The following EPHA6 variants were observed in gnomAD, a reference collection of about 807,000 sequenced individuals.
EPHA6 encodes EPH receptor A6.
EPHA6 carries 50 observed loss-of-function variants against 112.0 expected under a neutral mutation model. The observed-to-expected ratio is 0.45, with a 90% confidence interval of 0.36 to 0.56. EPHA6 has a LOEUF of 0.56. Ranked by LOEUF, EPHA6 falls within the 20% of genes least tolerant of loss-of-function variation. The probability of loss-of-function intolerance (pLI) is 0.00; values close to 1 mark genes in which losing one functional copy is unlikely to be tolerated. For missense variants in EPHA6, 1,280 were observed against 1,417.4 expected, an observed-to-expected ratio of 0.90 and a Z score of 1.56; for synonymous variants, 529 against 490.7, an observed-to-expected ratio of 1.08 and a Z score of -1.03.
chr3:97,369,665 C>T (rs1005661853), intron 5 of EPHA6, among the ~76,000 whole-genome samples: 1 of 152,078 alleles, frequency 6.6e-6, no homozygotes, highest in Admixed American at 6.6e-5. Flanking sequence ...CTTATGTGAT[C>T]CCTGAGTTTC....
At chr3:97,012,757 C>T (rs1017164561) in intron 3 of EPHA6, among the ~76,000 whole-genome samples, 3 of 151,102 alleles carry the variant, frequency 2.0e-5, no homozygotes, top group African/African-American at 7.3e-5. Context: ...CCACACTGGA[C>T]TTACTATTTT....
intron 7 of EPHA6, among the ~76,000 whole-genome samples, chr3:97,449,896 A>T (rs1458303): frequency 0.1 from 15,902 of 152,080 alleles, 2,593 homozygotes; most frequent in African/African-American, 0.35. Flanking sequence ...CTATGACAGA[A>T]GGAATATTTT....
intron 12 of EPHA6, among the ~76,000 whole-genome samples, chr3:97,609,174 C>T (rs992561937): frequency 2.6e-5 from 4 of 151,354 alleles, no homozygotes; most frequent in African/African-American, 9.7e-5. Flanking sequence ...GGGAAGAAGA[C>T]ATCAGGCAGT....
chr3:97,621,351 A>G (rs1243631365), intron 13 of EPHA6, among the ~76,000 whole-genome samples: 2 of 151,944 alleles, frequency 1.3e-5, no homozygotes, highest in African/African-American at 4.8e-5. Context: ...AATAATCTGT[A>G]CAACAAGCCC....
chr3:97,264,066 C>G (rs1464131765), intron 5 of EPHA6, among the ~76,000 whole-genome samples: 3 of 152,200 alleles, frequency 2.0e-5, no homozygotes, highest in African/African-American at 7.2e-5. Context: ...TATACATTTT[C>G]TGTCAGACTA....
rs527293550 is a variant in EPHA6 at position 97,757,083 on chromosome 3, AG to A, written c.*8383del. On this transcript the variant is annotated 3_prime_UTR_variant, in exon 18 of 18. Transcript: ENST00000389672. Reference sequence around the variant, plus strand: ...TTTTAAAAAAATCAGAGGCAAAGCAAGAATGCAGAACATGGCAACAGACTAA... The same window carrying A: ...TTTTAAAAAAATCAGAGGCAAAGCAAAATGCAGAACATGGCAACAGACTAA... Among the ~76,000 whole-genome samples the A allele has an allele frequency of 2.4e-3, 365 of 151,996 alleles. 2 individuals carry two copies. Among genetic ancestry groups the A allele is most frequent in the South Asian group, 2.3e-3 (11 of 4,826 alleles).
At chr3:97,392,708 T>C (rs2086480551) in intron 5 of EPHA6, among the ~76,000 whole-genome samples, 1 of 151,824 alleles carries the variant, frequency 6.6e-6, no homozygotes, top group Non-Finnish European at 1.5e-5. Context: ...CTCTATAAGC[T>C]TTATTACTTG....
chr3:97,311,284 C>T (rs915276828), intron 5 of EPHA6, among the ~76,000 whole-genome samples: 1 of 151,540 alleles, frequency 6.6e-6, no homozygotes, highest in African/African-American at 2.4e-5. Flanking sequence ...TCAAATACAT[C>T]TTTGAAGTTC....
chr3:96,898,586 G>T (rs1575966497), intron 2 of EPHA6, among the ~76,000 whole-genome samples: 1 of 152,178 alleles, frequency 6.6e-6, no homozygotes, highest in Non-Finnish European at 1.5e-5. Flanking sequence ...ATATATGCAA[G>T]AAATATAATT....
At chr3:97,267,403 C>A (rs1196691605) in intron 5 of EPHA6, among the ~76,000 whole-genome samples, 1 of 151,726 alleles carries the variant, frequency 6.6e-6, no homozygotes, top group Admixed American at 6.6e-5. Context: ...CAGAGTCCAC[C>A]CCTATTAGAA....
At chr3:97,292,090 A>G (rs1472899544) in intron 5 of EPHA6, among the ~76,000 whole-genome samples, 1 of 152,248 alleles carries the variant, frequency 6.6e-6, no homozygotes, top group African/African-American at 2.4e-5. Flanking sequence ...CAGCACAAGC[A>G]CCAGCTTTGT....
chr3:96,951,908 A>T (rs899732479), intron 2 of EPHA6, among the ~76,000 whole-genome samples: 1 of 152,188 alleles, frequency 6.6e-6, no homozygotes, highest in Admixed American at 6.5e-5. Flanking sequence ...CATGAAAATT[A>T]GCATGGTCTC....
chr3:97,216,712 G>A (rs1576700866), intron 3 of EPHA6, among the ~76,000 whole-genome samples: 1 of 152,116 alleles, frequency 6.6e-6, no homozygotes, highest in Admixed American at 6.5e-5. Flanking sequence ...TTTAGAGTTC[G>A]TATTGCTCCA....
chr3:97,169,109 T>C (rs1165343186), intron 3 of EPHA6, among the ~76,000 whole-genome samples: 1 of 152,196 alleles, frequency 6.6e-6, no homozygotes, highest in Non-Finnish European at 1.5e-5. Context: ...GAATGTTCAA[T>C]GTAGTCAATT....
chr3:97,040,234 A>C (rs11920044), intron 3 of EPHA6, among the ~76,000 whole-genome samples: 3,768 of 151,966 alleles, frequency 0.025, 143 homozygotes, highest in African/African-American at 0.08. Flanking sequence ...CCTTTATTTT[A>C]AATAAATTTT....
intron 3 of EPHA6, among the ~76,000 whole-genome samples, chr3:97,218,736 A>T (rs1391379424): frequency 6.6e-6 from 1 of 152,164 alleles, no homozygotes; most frequent in East Asian, 1.9e-4. Context: ...TCACATTATG[A>T]TACCAATCAT....
At chr3:97,159,898 A>C (rs750250625) in intron 3 of EPHA6, among the ~76,000 whole-genome samples, 7 of 152,162 alleles carry the variant, frequency 4.6e-5, no homozygotes, top group Non-Finnish European at 8.8e-5. Context: ...TATTCCTGTG[A>C]GAACAAAATT....
At chr3:96,919,132 C>T (rs1433547228) in intron 2 of EPHA6, among the ~76,000 whole-genome samples, 2 of 151,810 alleles carry the variant, frequency 1.3e-5, no homozygotes, top group Non-Finnish European at 2.9e-5. Flanking sequence ...AACTGTGGAA[C>T]GTAGCCGCTT....
chr3:97,748,540 TC>T, intron 17 of EPHA6, 46 bp from the exon 18 acceptor site: 1 of 883,652 alleles, frequency 1.1e-6, no homozygotes, highest in Admixed American at 1.9e-5. Flanking sequence ...TCTCTCTCTT[TC>T]TTGCTCTCAC....
Sources: allele counts gnomAD v4.1 joint callset (sites outside exome capture counted in the v4.1 genomes callset), GRCh38; gene constraint gnomAD v4.1.1; transcripts MANE v1.5; gene names NCBI Gene and HGNC (gene_info 2026-07-23, HGNC 2026-07-21).